CTNNA2: variants seen among roughly 807,000 people sequenced by gnomAD.
The protein encoded by CTNNA2 is catenin alpha 2.
In CTNNA2, 42 loss-of-function variants were observed where a neutral mutation model predicts 101.0. The observed-to-expected ratio is 0.42, with a 90% confidence interval of 0.32 to 0.54. The LOEUF is 0.54. CTNNA2 is among the 20% of genes least tolerant of loss of function. The pLI, the probability that CTNNA2 is intolerant of heterozygous loss-of-function variation, is 0.14. For missense variants in CTNNA2, 871 were observed against 1,223.1 expected (o/e 0.71, Z 4.29); for synonymous variants, 450 against 456.4 (o/e 0.99, Z 0.18).
intron 7 of CTNNA2, among the ~76,000 whole-genome samples, chr2:80,143,295 T>C (rs192339561): frequency 4.6e-5 from 7 of 152,306 alleles, no homozygotes; most frequent in Admixed American, 6.5e-5. Flanking sequence ...TTTTGTGTTA[T>C]ATTATTTGGG....
chr2:79,565,607 C>T (rs1272329221), intron 1 of CTNNA2, among the ~76,000 whole-genome samples: 1 of 152,056 alleles, frequency 6.6e-6, no homozygotes, highest in Admixed American at 6.6e-5. Flanking sequence ...GTAGATAGAA[C>T]CTTTGAGGCT....
chr2:80,009,211 A>G (rs1351942962), intron 7 of CTNNA2, among the ~76,000 whole-genome samples: 3 of 152,188 alleles, frequency 2.0e-5, no homozygotes, highest in African/African-American at 7.2e-5. Flanking sequence ...TCTGATAAAC[A>G]GAAAAGGAGA....
chr2:79,857,982 AC>A (rs1182490246), intron 3 of CTNNA2, 30 bp from the exon 4 acceptor site: 7 of 1,597,294 alleles, frequency 4.4e-6, no homozygotes, highest in Non-Finnish European at 6.0e-6. Context: ...CCTCTTGTCT[AC>A]CCACCTGCCT....
chr2:80,078,125 C>T (rs1490522957), intron 7 of CTNNA2, among the ~76,000 whole-genome samples: 1 of 152,054 alleles, frequency 6.6e-6, no homozygotes, highest in African/African-American at 2.4e-5. Context: ...TTTTTTCAAC[C>T]ATTTATTAAA....
At position 80,157,345 on chromosome 2, in the gene CTNNA2, A is replaced by G. The variant is rs563707248; in HGVS notation, c.1057-235866A>G. 4.6e-5 allele frequency among the ~76,000 whole-genome samples: 7 copies of G among 152,242 alleles called. No homozygotes were observed. The South Asian group carries it at 1.5e-3, about 32-fold the overall frequency. On this transcript the variant is annotated intron_variant, in intron 7 of 18. Coordinates refer to ENST00000402739, the MANE Select transcript of CTNNA2 (RefSeq NM_001282597.3). ...AAGGGTTCTTTGACAATTCTCAGTA[A>G]GCCCAGCAGGAATGGAGCTATCTCA...
intron 7 of CTNNA2, among the ~76,000 whole-genome samples, chr2:80,239,005 G>T (rs183848332): frequency 6.6e-6 from 1 of 152,246 alleles, no homozygotes; most frequent in African/African-American, 2.4e-5. Context: ...TTCAGAGCAG[G>T]GGAAGATTTT....
chr2:80,350,414 G>C (rs1003983362), intron 7 of CTNNA2, among the ~76,000 whole-genome samples: 2 of 152,114 alleles, frequency 1.3e-5, no homozygotes, highest in Non-Finnish European at 2.9e-5. Flanking sequence ...CATTTGTTCA[G>C]ATTTCTTATG....
At chr2:80,630,830 ATG>A (rs1672213236) in intron 18 of CTNNA2, among the ~76,000 whole-genome samples, 1 of 152,184 alleles carries the variant, frequency 6.6e-6, no homozygotes, top group African/African-American at 2.4e-5. Flanking sequence ...TATTATGATG[ATG>A]AGTAACTCTG....
intron 7 of CTNNA2, among the ~76,000 whole-genome samples, chr2:80,186,585 A>G (rs995181969): frequency 6.6e-6 from 1 of 152,168 alleles, no homozygotes; most frequent in African/African-American, 2.4e-5. Flanking sequence ...GTTTGTTTGT[A>G]TTTTAGCCTG....
At chr2:79,746,002 A>G (rs1177394277) in intron 3 of CTNNA2, among the ~76,000 whole-genome samples, 1 of 152,154 alleles carries the variant, frequency 6.6e-6, no homozygotes, top group Non-Finnish European at 1.5e-5. Context: ...TGGCTGCACC[A>G]TTTCCATAGT....
chr2:80,222,849 G>C (rs1287121040), intron 7 of CTNNA2, among the ~76,000 whole-genome samples: 6 of 152,090 alleles, frequency 3.9e-5, no homozygotes, highest in African/African-American at 1.4e-4. Flanking sequence ...TAATATGTCA[G>C]CATTTTTGTT....
intron 8 of CTNNA2, among the ~76,000 whole-genome samples, chr2:80,399,615 T>C (rs1233857841): frequency 6.6e-6 from 1 of 152,182 alleles, no homozygotes. Context: ...TTCTGCTAAT[T>C]TCTCTAGGCC....
At chr2:79,897,417 C>T (rs1053639671) in intron 6 of CTNNA2, among the ~76,000 whole-genome samples, 1 of 151,504 alleles carries the variant, frequency 6.6e-6, no homozygotes, top group Non-Finnish European at 1.5e-5. Context: ...ATGGACTGAC[C>T]ATGGAAATAT....
chr2:79,509,933 G>C (rs1339416574), upstream of CTNNA2, among the ~76,000 whole-genome samples: 1 of 152,184 alleles, frequency 6.6e-6, no homozygotes, highest in Admixed American at 6.5e-5. Flanking sequence ...GTCTATTAAA[G>C]CAATGAAATT....
chr2:79,799,341 C>T (rs986234891), intron 3 of CTNNA2, among the ~76,000 whole-genome samples: 1 of 151,888 alleles, frequency 6.6e-6, no homozygotes, highest in Admixed American at 6.6e-5. Flanking sequence ...CACCACACCC[C>T]GCCTGTAATA....
chr2:79,980,376 A>G (rs1338175144), intron 7 of CTNNA2, among the ~76,000 whole-genome samples: 1 of 152,290 alleles, frequency 6.6e-6, no homozygotes, highest in South Asian at 2.1e-4. Flanking sequence ...CTCAGAAAAG[A>G]AACAGGGCTA....
intron 4 of CTNNA2, among the ~76,000 whole-genome samples, chr2:79,414,761 C>A (rs752751564): frequency 1.3e-5 from 2 of 152,050 alleles, no homozygotes; most frequent in Admixed American, 1.3e-4. Context: ...GGTGAGAGAT[C>A]ACACAGAAAG....
rs146764393 is a variant in CTNNA2 at position 80,345,563 on chromosome 2, T to A, written c.1057-47648T>A. 2.0e-4 allele frequency among the ~76,000 whole-genome samples: 30 copies of A among 152,288 alleles called. No homozygotes were observed. The East Asian group carries it at 5.4e-3, about 27-fold the overall frequency. ...AATTGTTTGCATCCTCCCAGAAGAA[T>A]GTAAGCTTCTAGGAGGCAGGGATAT... On this transcript the variant is annotated intron_variant, in intron 7 of 18. Transcript: ENST00000402739.
At chr2:80,099,755 CAA>C (rs11435408) in intron 7 of CTNNA2, among the ~76,000 whole-genome samples, 6 of 141,460 alleles carry the variant, frequency 4.2e-5, no homozygotes, top group African/African-American at 7.9e-5. Context: ...CTCTTTCCTT[CAA>C]AAAAAAAAAA....
Sources: allele counts gnomAD v4.1 joint callset (sites outside exome capture counted in the v4.1 genomes callset), GRCh38; gene constraint gnomAD v4.1.1; transcripts MANE v1.5; gene names NCBI Gene and HGNC (gene_info 2026-07-23, HGNC 2026-07-21).